Variants in ARVCF observed in about 807,000 individuals in gnomAD.
The protein encoded by ARVCF is ARVCF delta catenin family member.
Under a neutral mutation model 90.9 loss-of-function variants are expected in ARVCF, and 66 were observed. That is an observed-to-expected ratio of 0.73 (90% CI 0.60 to 0.89). ARVCF has a LOEUF of 0.89. Among genes scored for constraint, ARVCF ranks in the 40% least tolerant of loss-of-function variants. The pLI, the probability that ARVCF is intolerant of heterozygous loss-of-function variation, is 0.00. For missense variants in ARVCF, 1,469 were observed against 1,382.3 expected, an observed-to-expected ratio of 1.06 and a Z score of -1.00; for synonymous variants, 653 against 603.4, an observed-to-expected ratio of 1.08 and a Z score of -1.21.
chr22:19,968,460 G>T, downstream of ARVCF: 1 of 1,429,632 alleles, frequency 7.0e-7, no homozygotes, highest in Non-Finnish European at 9.7e-7. Flanking sequence ...CTAGTGAGGA[G>T]CACCCATCCT....
At chr22:19,970,847 G>A (rs1942721445) in intron 19 of ARVCF, 104 bp from the exon 20 acceptor site, 3 of 1,255,922 alleles carry the variant, frequency 2.4e-6, no homozygotes, top group Non-Finnish European at 3.1e-6. Flanking sequence ...CATGGATGGA[G>A]ATGTGGATAG....
At chr22:19,967,461 T>G (rs2146191806), downstream of ARVCF, 2 of 460,086 alleles carry the variant, frequency 4.3e-6, 1 homozygote, top group South Asian at 3.2e-5. Context: ...ACTCCGGACC[T>G]TGGGGCTGTC....
In ARVCF at chr22:19,973,713, G is replaced by T. The variant is rs1172237567; in HGVS notation, c.2169C>A (p.Asp723Glu). The T allele has an allele frequency of 1.2e-6, 2 of 1,609,998 alleles. No homozygotes were observed. Among genetic ancestry groups the T allele is most frequent in the Admixed American group, 1.7e-5 (1 of 60,022 alleles). Residue 723 changes from aspartate to glutamate, a missense_variant, in exon 13 of 20, where the codon GAC becomes GAA. Asp to Glu is a conservative substitution (Grantham distance 45). Coordinates refer to ENST00000263207, the MANE Select transcript of ARVCF (RefSeq NM_001670.3). ...CGATGGCGACGGCGCGCACCACCTT[G>T]TCGGTCTCAGACTGCAGCAGTTCCA... ...VLVELLQSET[D>E]KVVRAVAIAL... is the part of the protein sequence containing the mutation.
intron 12 of ARVCF, 37 bp from the exon 13 acceptor site, chr22:19,973,830 G>A: frequency 6.3e-7 from 1 of 1,580,992 alleles, no homozygotes; most frequent in Non-Finnish European, 8.6e-7. Flanking sequence ...AGACATACAT[G>A]CCAGGCACTC....
At chr22:19,986,965 G>T in intron 3 of ARVCF, 1 of 612,044 alleles carries the variant, frequency 1.6e-6, no homozygotes, top group African/African-American at 1.9e-5. Context: ...TAGCTGCCTC[G>T]GGCCAGCGGC....
intron 9 of ARVCF, 62 bp from the exon 10 acceptor site, chr22:19,976,785 C>CA (rs1569154687): frequency 6.5e-7 from 1 of 1,536,950 alleles, no homozygotes; most frequent in African/African-American, 1.4e-5. Flanking sequence ...CACTCATCAC[C>CA]CCCCCATGCC....
chr22:19,974,095 C>T lies in ARVCF; in HGVS notation c.2088+17G>A, dbSNP rs768977913. On this transcript the variant is annotated intron_variant, in intron 12 of 19. Transcript: ENST00000263207. ...CTCTCTCAGGACTTGCCCACCCTGC[C>T]CGACCTGGTCCCTCACCATCCAGTT... is the stretch of plus-strand genomic sequence containing the variant. The T allele has an allele frequency of 2.9e-5, 46 of 1,598,018 alleles. No homozygotes were observed. Among genetic ancestry groups the T allele is most frequent in the Non-Finnish European group, 3.8e-5 (44 of 1,171,790 alleles).
intron 13 of ARVCF, among the ~76,000 whole-genome samples, 155 bp from the exon 14 acceptor site, chr22:19,973,472 C>T (rs1942963134): frequency 6.6e-6 from 1 of 150,892 alleles, no homozygotes; most frequent in African/African-American, 2.4e-5. Context: ...GGGCGCTGAG[C>T]TTCAGAGACA....
At chr22:19,971,421 C>T in intron 18 of ARVCF, 86 bp from the exon 19 acceptor site, 1 of 1,454,298 alleles carries the variant, frequency 6.9e-7, no homozygotes, top group Non-Finnish European at 9.1e-7. Flanking sequence ...AGGGCCGAGG[C>T]TGGCGATGTA....
rs1425255072 is a variant in ARVCF, at chr22:19,969,923, T to C, written c.*833A>G. On this transcript the variant is annotated 3_prime_UTR_variant, in exon 20 of 20. Transcript: ENST00000263207. ...CCTTTGCTGCTTTAATTTTTAAATT[T>C]TCTTACAAAAATTTAGGTGTTTACC... 1 of 985,416 alleles carries C rather than the reference T, an allele frequency of 1.0e-6. No individual in the cohort carries two copies. The highest frequency in any genetic ancestry group is 1.2e-6 in the Non-Finnish European group (1 of 829,930). The allele number at this position is 985,416 out of a possible 1,614,324, so 61.0% of individuals were successfully genotyped here.
chr22:19,974,565 C>A (rs535118119), intron 11 of ARVCF, among the ~76,000 whole-genome samples: 1 of 152,188 alleles, frequency 6.6e-6, no homozygotes, highest in East Asian at 1.9e-4. Context: ...GTCCCTGAAG[C>A]TATGCATCCT....
At chr22:19,997,609 T>C (rs1223269585) in intron 2 of ARVCF, among the ~76,000 whole-genome samples, 1 of 151,660 alleles carries the variant, frequency 6.6e-6, no homozygotes, top group African/African-American at 2.4e-5. Context: ...AGCCGTGGAG[T>C]AGTGGCAGTG....
At chr22:19,974,417 C>A in intron 11 of ARVCF, 178 bp from the exon 12 acceptor site, 1 of 751,026 alleles carries the variant, frequency 1.3e-6, no homozygotes, top group Non-Finnish European at 1.9e-6. Flanking sequence ...AAAAGCGTTC[C>A]CATTTCACAG....
Position 19,980,074 on chromosome 22 carries a change from C to A in ARVCF, c.1065G>T (p.Trp355Cys), listed in dbSNP as rs1323908787. The A allele has an allele frequency of 1.9e-6, 3 of 1,583,060 alleles. No individual in the cohort carries two copies. The highest frequency in any genetic ancestry group is 2.6e-6 in the Non-Finnish European group (3 of 1,165,024). ...GCACCTCAGGCAGCTCAGGGTCCCG[C>A]CAGCGCGGCTCCTTGCGGGCGCTAT... The part of the protein sequence containing the change: ...SVDSARKEPR[W>C]RDPELPEVLA... The change falls in exon 6 of 20, where the codon TGG (tryptophan) becomes TGT (cysteine). Residue 355 changes from tryptophan to cysteine, a missense_variant. By Grantham distance (215) the Trp-to-Cys change is radical. Coordinates refer to ENST00000263207, the MANE Select transcript of ARVCF (RefSeq NM_001670.3).
At position 20,003,368 on chromosome 22, in the gene ARVCF, C is replaced by G. The variant is rs577273291; in HGVS notation, c.-19+7087G>C. On this transcript the variant is annotated intron_variant, in intron 2 of 19. Coordinates refer to ENST00000263207, the MANE Select transcript of ARVCF (RefSeq NM_001670.3). ...TTCCTAATTCATTTTATGAGGTCAG[C>G]CTTACCCTAATACCAAAGCCAGGAA... 2.0e-4 allele frequency among the ~76,000 whole-genome samples: 30 copies of G among 152,276 alleles called. 1 individual carries two copies. The Middle Eastern group carries it at 0.014, about 69-fold the overall frequency.
Position 19,980,127 on chromosome 22 carries a change from G to C in ARVCF, c.1012C>G (p.Arg338Gly). The change falls in exon 6 of 20, where the codon CGG becomes GGG. Residue 338 changes from arginine (R) to glycine (G), a missense_variant. Coordinates refer to ENST00000263207, the MANE Select transcript of ARVCF (RefSeq NM_001670.3). ...PERGSMGSLD[R>G]LVRRSPSVDS... ...ACTGAGGGCGAGCGCCGCACCAGCC[G>C]GTCCAGGCTGCCCATGCTGCCCCGT... The C allele has an allele frequency of 6.3e-7, 1 of 1,591,576 alleles. No homozygotes were observed.
chr22:19,974,411 G>A (rs983352892), intron 11 of ARVCF, 172 bp from the exon 12 acceptor site: 2 of 779,424 alleles, frequency 2.6e-6, no homozygotes, highest in African/African-American at 3.6e-5. Context: ...AAGGGGAAAA[G>A]CGTTCCCATT....
In ARVCF at chr22:19,998,348, A is replaced by C. The variant is rs1313592205; in HGVS notation, c.-18-7536T>G. ...ACAGAGCCTCTTTGTGGTGACACAA[A>C]GCCCCTTTGAGGGGAGGTGGGGTGC... On this transcript the variant is annotated intron_variant, in intron 2 of 19. Coordinates refer to ENST00000263207, the MANE Select transcript of ARVCF (RefSeq NM_001670.3). Among the ~76,000 whole-genome samples the C allele has an allele frequency of 1.5e-4, 23 of 152,180 alleles. 1 individual carries two copies. Among genetic ancestry groups the C allele is most frequent in the African/African-American group, 9.6e-5 (4 of 41,464 alleles).
chr22:19,986,040 C>A (rs985708719), intron 3 of ARVCF, among the ~76,000 whole-genome samples: 2 of 152,254 alleles, frequency 1.3e-5, no homozygotes, highest in Non-Finnish European at 2.9e-5. Context: ...AGACCTGGAG[C>A]TTACTTCTCC....
Sources: allele counts gnomAD v4.1 joint callset (sites outside exome capture counted in the v4.1 genomes callset), GRCh38; gene constraint gnomAD v4.1.1; transcripts MANE v1.5; gene names NCBI Gene and HGNC (gene_info 2026-07-23, HGNC 2026-07-21).